The following TRAM1 variants were observed in gnomAD, a reference collection of about 807,000 sequenced individuals.
TRAM1 encodes translocation associated membrane protein 1.
A neutral mutation model predicts 48.7 loss-of-function variants in TRAM1; 17 were observed. The ratio of observed to expected loss-of-function variants is 0.35; its 90% CI spans 0.24 to 0.52. The LOEUF (loss-of-function observed/expected upper bound fraction) is 0.52. Ranked by LOEUF, TRAM1 falls within the 20% of genes least tolerant of loss-of-function variation. TRAM1 has a pLI of 0.94. For synonymous variants in TRAM1, 182 were observed against 154.0 expected, an observed-to-expected ratio of 1.18 and a Z score of -1.34; for missense variants, 351 against 441.5, an observed-to-expected ratio of 0.79 and a Z score of 1.84.
intron 6 of TRAM1, among the ~76,000 whole-genome samples, chr8:70,589,786 C>A (rs268621): frequency 6.6e-6 from 1 of 152,058 alleles, no homozygotes; most frequent in Admixed American, 6.5e-5. Flanking sequence ...TGCAGCTGCA[C>A]TGAGCCGTGA....
At chr8:70,607,813 A>T in intron 1 of TRAM1, 1 of 277,892 alleles carries the variant, frequency 3.6e-6, no homozygotes, top group Non-Finnish European at 6.5e-6. Flanking sequence ...GCGGCGGGTC[A>T]GGAAGGGGGC....
intron 1 of TRAM1, among the ~76,000 whole-genome samples, chr8:70,604,599 C>A (rs2132048522): frequency 6.6e-6 from 1 of 151,856 alleles, no homozygotes; most frequent in Admixed American, 6.6e-5. Flanking sequence ...GTCTCTCCCT[C>A]AAACTTTGTT....
rs747989208 is a variant in TRAM1, at chr8:70,596,297, T to C, written c.451A>G (p.Ile151Val). The change falls in exon 5 of 11, where the codon ATC becomes GTC. Residue 151 changes from isoleucine (I) to valine (V), a missense_variant. Physicochemically the swap from Ile to Val is conservative, Grantham distance 29. Transcript: ENST00000262213. ...TTATGGGGATAAGCCCTCCATAAGA[T>C]AGTTGGGTCTGAGATGTAGTTTTCC... ...ISENYISDPT[I>V]LWRAYPHNLM... The C allele has an allele frequency of 2.5e-6, 4 of 1,600,850 alleles. No individual in the cohort carries two copies. Among genetic ancestry groups the C allele is most frequent in the Non-Finnish European group, 2.6e-6 (3 of 1,175,032 alleles).
intron 1 of TRAM1, among the ~76,000 whole-genome samples, chr8:70,603,898 C>T (rs928696314): frequency 2.6e-5 from 4 of 152,184 alleles, no homozygotes; most frequent in African/African-American, 9.7e-5. Flanking sequence ...ATGTAAACTA[C>T]ACACTCCAAA....
At chr8:70,584,941 T>C (rs1196338100) in intron 8 of TRAM1, among the ~76,000 whole-genome samples, 1 of 152,156 alleles carries the variant, frequency 6.6e-6, no homozygotes, top group East Asian at 1.9e-4. Context: ...TTAAAGTTCA[T>C]ATGGAACCAA....
At chr8:70,585,794 G>A (rs1245739180) in intron 8 of TRAM1, among the ~76,000 whole-genome samples, 1 of 104,476 alleles carries the variant, frequency 9.6e-6, no homozygotes, top group Non-Finnish European at 2.3e-5. Context: ...AGAGGATGTG[G>A]AGAAATAGGA....
intron 1 of TRAM1, chr8:70,607,532 C>T (rs940406127): frequency 6.9e-5 from 67 of 975,824 alleles, no homozygotes; most frequent in Non-Finnish European, 7.2e-5. Flanking sequence ...TCACCCCAAT[C>T]TCGGAGCTAC....
intron 3 of TRAM1, 34 bp downstream of exon 3, chr8:70,598,100 T>C (rs1197165638): frequency 5.0e-6 from 8 of 1,592,250 alleles, no homozygotes; most frequent in Admixed American, 1.7e-5. Context: ...GCTAGTACTT[T>C]ATAAAGTATA....
rs575914129 is a variant in TRAM1 at position 70,574,499 on chromosome 8, C to T, written c.*433G>A. 1.8e-4 allele frequency: 38 copies of T among 206,708 alleles called. No individual in the cohort carries two copies. The South Asian group carries it at 2.7e-3, about 15-fold the overall frequency. The allele number at this position is 206,708 out of a possible 1,614,324, so 12.8% of individuals were successfully genotyped here. ...ACACTGAAAACATATTAAAGTTTGA[C>T]ATCCAACTTTATAGTATTTCCATGT... On this transcript the variant is annotated 3_prime_UTR_variant, in exon 11 of 11. Coordinates refer to ENST00000262213, the MANE Select transcript of TRAM1 (RefSeq NM_014294.6).
intron 6 of TRAM1, among the ~76,000 whole-genome samples, chr8:70,588,043 C>T (rs750921235): frequency 6.6e-6 from 1 of 152,004 alleles, no homozygotes; most frequent in Non-Finnish European, 1.5e-5. Context: ...ACAGCAAGAC[C>T]CTGTCTCTAC....
rs751372174 is a variant in TRAM1 at position 70,583,695 on chromosome 8, T to C, written c.845A>G (p.Gln282Arg). The C allele has an allele frequency of 1.9e-6, 3 of 1,613,320 alleles. No homozygotes were observed. The highest frequency in any genetic ancestry group is 2.2e-5 in the East Asian group (1 of 44,824). ...GTTTCCAGTACTGAAATCCAGCTTC[T>C]GATTTTCTGCTCTTGCAAGGCCAAA... The part of the protein sequence containing the change: ...VGFGLARAEN[Q>R]KLDFSTGNFN... Residue 282 changes from glutamine to arginine, a missense_variant, in exon 9 of 11, where the codon CAG (glutamine) becomes CGG (arginine). Physicochemically the swap from Gln to Arg is conservative, Grantham distance 43. Transcript: ENST00000262213.
intron 6 of TRAM1, among the ~76,000 whole-genome samples, chr8:70,588,440 A>G (rs2132032977): frequency 6.6e-6 from 1 of 152,214 alleles, no homozygotes; most frequent in African/African-American, 2.4e-5. Context: ...TGTTTTAAAA[A>G]TTAGCCAGGC....
At position 70,574,851 on chromosome 8, in the gene TRAM1, G is replaced by T; in HGVS notation, c.*81C>A. The T allele has an allele frequency of 9.7e-7, 1 of 1,030,502 alleles. No homozygotes were observed. The highest frequency in any genetic ancestry group is 1.5e-6 in the Non-Finnish European group (1 of 686,576). The allele number at this position is 1,030,502 out of a possible 1,614,324, so 63.8% of individuals were successfully genotyped here. ...CAAAGAGCACAGACTGTATTTTCAA[G>T]AACAGAAAAATCTCTAATGCTGAAA... On this transcript the variant is annotated 3_prime_UTR_variant, in exon 11 of 11. Coordinates refer to ENST00000262213, the MANE Select transcript of TRAM1 (RefSeq NM_014294.6).
intron 1 of TRAM1, among the ~76,000 whole-genome samples, chr8:70,601,642 T>C (rs932896620): frequency 3.9e-5 from 6 of 152,136 alleles, no homozygotes; most frequent in African/African-American, 1.2e-4. Context: ...CAGTTAAAAG[T>C]ACAAACCGGA....
intron 6 of TRAM1, among the ~76,000 whole-genome samples, 200 bp downstream of exon 6, chr8:70,594,305 GT>G (rs71560423): frequency 0.03 from 3,721 of 126,056 alleles, 70 homozygotes; most frequent in Middle Eastern, 0.058. Context: ...CTGACTGAAG[GT>G]TTTTTTTTTT....
At chr8:70,576,692 G>A (rs1462487101) in intron 10 of TRAM1, among the ~76,000 whole-genome samples, 1 of 152,192 alleles carries the variant, frequency 6.6e-6, no homozygotes, top group Non-Finnish European at 1.5e-5. Context: ...CCTGTGGAGT[G>A]GCTACTGCCA....
intron 4 of TRAM1, 96 bp downstream of exon 4, chr8:70,597,799 T>G: frequency 1.1e-6 from 1 of 902,904 alleles, no homozygotes; most frequent in East Asian, 2.8e-5. Context: ...CTAAAACAGA[T>G]TTATCACTGA....
At chr8:70,594,680 G>A (rs1164108822) in intron 5 of TRAM1, 90 bp from the exon 6 acceptor site, 1 of 986,404 alleles carries the variant, frequency 1.0e-6, no homozygotes, top group Non-Finnish European at 1.5e-6. Context: ...GATATACTAA[G>A]TAACTACCTT....
intron 5 of TRAM1, among the ~76,000 whole-genome samples, 166 bp from the exon 6 acceptor site, chr8:70,594,756 C>T (rs1817449928): frequency 6.6e-6 from 1 of 152,208 alleles, no homozygotes; most frequent in African/African-American, 2.4e-5. Flanking sequence ...CTTTCCCCAT[C>T]TCCCTGTGAC....
Sources: allele counts gnomAD v4.1 joint callset (sites outside exome capture counted in the v4.1 genomes callset), GRCh38; gene constraint gnomAD v4.1.1; transcripts MANE v1.5; gene names NCBI Gene and HGNC (gene_info 2026-07-23, HGNC 2026-07-21).